ADAMTSL1: variants seen among roughly 807,000 people sequenced by gnomAD.
ADAMTSL1 encodes the protein ADAMTS like 1, also known as ADAMTS-like protein 1.
ADAMTSL1 carries 126 observed loss-of-function variants against 201.8 expected under a neutral mutation model. The ratio of observed to expected loss-of-function variants is 0.62; its 90% CI spans 0.54 to 0.72. The LOEUF (loss-of-function observed/expected upper bound fraction) is 0.72, where lower values mean the gene tolerates loss of function less well. Among genes scored for constraint, ADAMTSL1 ranks in the 30% least tolerant of loss-of-function variants. The pLI is 0.00. For synonymous variants in ADAMTSL1, 1,121 were observed against 903.4 expected, an observed-to-expected ratio of 1.24 and a Z score of -4.32; for missense variants, 2,679 against 2,277.8, an observed-to-expected ratio of 1.18 and a Z score of -3.59.
At chr9:18,501,193 A>G (rs1019251561) in intron 1 of ADAMTSL1, among the ~76,000 whole-genome samples, 1 of 152,178 alleles carries the variant, frequency 6.6e-6, no homozygotes, top group African/African-American at 2.4e-5. Context: ...CTGTAAAGTT[A>G]AAAGGACTGT....
intron 26 of ADAMTSL1, chr9:18,905,418 C>T (rs1830247307): frequency 4.7e-6 from 1 of 214,942 alleles, no homozygotes; most frequent in Non-Finnish European, 9.4e-6. Flanking sequence ...CCTCTCTGCA[C>T]CGAAGGGGTG....
intron 18 of ADAMTSL1, among the ~76,000 whole-genome samples, 191 bp from the exon 19 acceptor site, chr9:18,776,590 G>A (rs1821009776): frequency 6.6e-6 from 1 of 152,150 alleles, no homozygotes; most frequent in Admixed American, 6.5e-5. Context: ...AAAAACACAG[G>A]CAGTAAAGGA....
intron 15 of ADAMTSL1, among the ~76,000 whole-genome samples, chr9:18,743,143 TG>T: frequency 6.6e-6 from 1 of 152,182 alleles, no homozygotes; most frequent in Non-Finnish European, 1.5e-5. Context: ...GATCAGAAAA[TG>T]GGAACCAGAA....
intron 1 of ADAMTSL1, among the ~76,000 whole-genome samples, chr9:18,485,456 C>T (rs535416788): frequency 6.6e-6 from 1 of 152,296 alleles, no homozygotes; most frequent in Non-Finnish European, 1.5e-5. Context: ...GTCTTACTCC[C>T]CAGGAAGCTC....
At chr9:18,108,272 C>A (rs1824851557) in intron 1 of ADAMTSL1, among the ~76,000 whole-genome samples, 1 of 147,642 alleles carries the variant, frequency 6.8e-6, no homozygotes, top group African/African-American at 2.5e-5. Context: ...ACCATCATGG[C>A]TCACAGCAGC....
At chr9:18,866,501 G>C (rs1437695345) in intron 23 of ADAMTSL1, among the ~76,000 whole-genome samples, 1 of 152,196 alleles carries the variant, frequency 6.6e-6, no homozygotes, top group Non-Finnish European at 1.5e-5. Flanking sequence ...ATTTACTTTG[G>C]TTATAATTAA....
chr9:17,952,752 C>T (rs1451689867), intron 1 of ADAMTSL1, among the ~76,000 whole-genome samples: 2 of 152,130 alleles, frequency 1.3e-5, no homozygotes, highest in African/African-American at 4.8e-5. Context: ...GTCTCGAACT[C>T]CTGGACTCAA....
chr9:18,219,557 C>G (rs1279248121), intron 2 of ADAMTSL1, among the ~76,000 whole-genome samples: 1 of 151,876 alleles, frequency 6.6e-6, no homozygotes, highest in African/African-American at 2.4e-5. Flanking sequence ...TTAGTAGAGA[C>G]AGGGTTTCAC....
At chr9:18,701,183 T>C (rs191158448) in intron 13 of ADAMTSL1, among the ~76,000 whole-genome samples, 106 of 151,604 alleles carry the variant, frequency 7.0e-4, no homozygotes, top group Middle Eastern at 3.4e-3. Flanking sequence ...CTTAACAGAG[T>C]TATCCAGTAA....
At chr9:18,894,629 A>G (rs1268654402) in intron 26 of ADAMTSL1, among the ~76,000 whole-genome samples, 3 of 152,026 alleles carry the variant, frequency 2.0e-5, no homozygotes. Flanking sequence ...GAAAAAAAAG[A>G]GGGTGGATTG....
At chr9:18,060,546 G>C (rs1822402685) in intron 1 of ADAMTSL1, among the ~76,000 whole-genome samples, 1 of 152,110 alleles carries the variant, frequency 6.6e-6, no homozygotes. Flanking sequence ...CTGCCTATAG[G>C]AATTTGGCAA....
intron 2 of ADAMTSL1, among the ~76,000 whole-genome samples, chr9:18,388,112 A>C (rs1837878910): frequency 6.6e-6 from 1 of 152,076 alleles, no homozygotes; most frequent in Admixed American, 6.6e-5. Context: ...ACTAGTTTTT[A>C]AATCCTATAT....
intron 1 of ADAMTSL1, among the ~76,000 whole-genome samples, chr9:18,064,394 T>C (rs1396835595): frequency 1.3e-5 from 2 of 152,250 alleles, no homozygotes; most frequent in Admixed American, 1.3e-4. Flanking sequence ...CAGGTTTTGA[T>C]GAACTTTCTG....
intron 10 of ADAMTSL1, among the ~76,000 whole-genome samples, chr9:18,676,364 T>G (rs1830131523): frequency 6.6e-6 from 1 of 152,120 alleles, no homozygotes; most frequent in Admixed American, 6.6e-5. Flanking sequence ...AAATGTCCAC[T>G]TTTTATTTCA....
At chr9:18,414,638 G>A (rs1818594628) in intron 2 of ADAMTSL1, among the ~76,000 whole-genome samples, 1 of 152,244 alleles carries the variant, frequency 6.6e-6, no homozygotes, top group African/African-American at 2.4e-5. Flanking sequence ...GGCTCAGGGA[G>A]GAAACTGGGC....
chr9:18,618,237 A>G (rs991456444), intron 4 of ADAMTSL1, among the ~76,000 whole-genome samples: 2 of 152,234 alleles, frequency 1.3e-5, no homozygotes, highest in African/African-American at 2.4e-5. Flanking sequence ...ACACATGTAC[A>G]TATACATACC....
chr9:18,769,821 G>A (rs1820583823), intron 16 of ADAMTSL1, among the ~76,000 whole-genome samples: 1 of 152,168 alleles, frequency 6.6e-6, no homozygotes, highest in South Asian at 2.1e-4. Flanking sequence ...GCCGAAATGT[G>A]GTATGCCCAG....
At chr9:17,922,607 T>G (rs1244572431) in intron 1 of ADAMTSL1, among the ~76,000 whole-genome samples, 1 of 152,098 alleles carries the variant, frequency 6.6e-6, no homozygotes, top group East Asian at 1.9e-4. Flanking sequence ...TAGGAAACAC[T>G]GATATGATGT....
intron 3 of ADAMTSL1, among the ~76,000 whole-genome samples, chr9:18,556,393 G>A (rs1400216252): frequency 1.3e-5 from 2 of 151,982 alleles, no homozygotes; most frequent in Non-Finnish European, 2.9e-5. Context: ...GAGTGATTAA[G>A]TGGAAAGCTT....
Sources: gnomAD v4.1 joint callset for allele counts (sites outside exome capture counted in the v4.1 genomes callset) on GRCh38, gnomAD v4.1.1 for gene constraint, MANE v1.5 for transcripts, NCBI Gene and HGNC (gene_info 2026-07-23, HGNC 2026-07-21) for gene names.